STOX2: variants seen among roughly 807,000 people sequenced by gnomAD.
The protein encoded by STOX2 is storkhead box 2.
A neutral mutation model predicts 60.9 loss-of-function variants in STOX2; 28 were observed. The ratio of observed to expected loss-of-function variants is 0.46; its 90% CI spans 0.34 to 0.63. STOX2 has a LOEUF of 0.63. Among genes scored for constraint, STOX2 ranks in the 30% least tolerant of loss-of-function variants. STOX2 has a pLI of 0.01. For synonymous variants in STOX2, 472 were observed against 463.9 expected (o/e 1.02, Z -0.22); for missense variants, 1,024 against 1,187.7 (o/e 0.86, Z 2.03).
intron 1 of STOX2, among the ~76,000 whole-genome samples, chr4:183,934,052 C>G (rs1019469680): frequency 6.6e-6 from 1 of 152,078 alleles, no homozygotes; most frequent in Non-Finnish European, 1.5e-5. Flanking sequence ...GCCTGTGATC[C>G]TAGCACTTTG....
In STOX2 at chr4:184,017,094, G is replaced by A; in HGVS notation, c.2591G>A (p.Arg864Gln). The change falls in exon 4 of 4, where the codon CGG becomes CAG. Residue 864 changes from arginine to glutamine, a missense_variant. Physicochemically the swap from Arg to Gln is conservative, Grantham distance 43. Around this residue, in one of 3 missense-constraint regions of STOX2, gnomAD observed 922 missense variants for 1,058.3 expected, o/e 0.87. Transcript: ENST00000308497. ...AACCCTTTTTGCTCTTTTAGTACTC[G>A]GGAGAGCCTGGCTTCCAACACATCA... is the stretch of plus-strand genomic sequence containing the variant. ...VDSGFNSPRT[R>Q]ESLASNTSSI... The A allele has an allele frequency of 1.2e-6, 2 of 1,607,162 alleles. No individual in the cohort carries two copies. Among genetic ancestry groups the A allele is most frequent in the East Asian group, 2.2e-5 (1 of 44,660 alleles).
intron 1 of STOX2, among the ~76,000 whole-genome samples, chr4:183,810,362 G>C (rs1327893439): frequency 6.6e-6 from 1 of 152,172 alleles, no homozygotes; most frequent in East Asian, 1.9e-4. Flanking sequence ...TGTGAGGAAG[G>C]CTTTATCAGG....
intron 1 of STOX2, among the ~76,000 whole-genome samples, chr4:183,871,094 T>C (rs191197839): frequency 2.6e-5 from 4 of 152,226 alleles, no homozygotes. Context: ...GTGAGTGTTA[T>C]TCTGGTGAGT....
chr4:183,917,319 A>G (rs1741960522), intron 1 of STOX2, among the ~76,000 whole-genome samples: 1 of 152,224 alleles, frequency 6.6e-6, no homozygotes. Context: ...ACTGAAGGAA[A>G]CTGGGGTAGT....
chr4:183,870,456 C>G (rs1740663177), intron 1 of STOX2, among the ~76,000 whole-genome samples: 1 of 152,156 alleles, frequency 6.6e-6, no homozygotes, highest in Non-Finnish European at 1.5e-5. Context: ...GTCATTTCAC[C>G]TACATTAGAG....
intron 1 of STOX2, among the ~76,000 whole-genome samples, chr4:183,843,254 G>C (rs1362176799): frequency 1.3e-5 from 2 of 152,026 alleles, no homozygotes; most frequent in African/African-American, 4.8e-5. Context: ...GACTCTTTTT[G>C]GGAGGAGGGA....
chr4:183,928,338 T>C (rs1579428011), intron 1 of STOX2, among the ~76,000 whole-genome samples: 1 of 152,262 alleles, frequency 6.6e-6, no homozygotes, highest in South Asian at 2.1e-4. Context: ...AATAAACTGT[T>C]GGATTTAAAA....
At chr4:183,877,953 G>A (rs1006479573) in intron 1 of STOX2, among the ~76,000 whole-genome samples, 2 of 152,120 alleles carry the variant, frequency 1.3e-5, no homozygotes, top group Non-Finnish European at 1.5e-5. Flanking sequence ...GCCTCCCAAA[G>A]TGCTGGGATT....
chr4:183,897,359 G>C (rs992849885), intron 1 of STOX2, among the ~76,000 whole-genome samples: 2 of 152,192 alleles, frequency 1.3e-5, no homozygotes, highest in Non-Finnish European at 2.9e-5. Flanking sequence ...CTTTGTAGAT[G>C]ACTGTATTTT....
At chr4:184,016,691 C>T (rs551707042) in intron 3 of STOX2, among the ~76,000 whole-genome samples, 13 of 152,208 alleles carry the variant, frequency 8.5e-5, no homozygotes, top group African/African-American at 2.6e-4. Context: ...TGTTCAGGAG[C>T]GGCTATGCCA....
At chr4:183,937,856 A>T (rs1742631016) in intron 1 of STOX2, among the ~76,000 whole-genome samples, 2 of 152,218 alleles carry the variant, frequency 1.3e-5, no homozygotes, top group South Asian at 2.1e-4. Flanking sequence ...AGTAAAAGTT[A>T]AAAAATCCTG....
intron 1 of STOX2, among the ~76,000 whole-genome samples, chr4:183,814,256 A>G (rs905416951): frequency 2.6e-5 from 4 of 152,316 alleles, no homozygotes; most frequent in Admixed American, 6.5e-5. Context: ...ATGATATATA[A>G]TGTCACTTAG....
intron 2 of STOX2, among the ~76,000 whole-genome samples, chr4:184,007,606 T>C (rs1733929853): frequency 6.6e-6 from 1 of 152,180 alleles, no homozygotes. Flanking sequence ...GCTGTCTTCA[T>C]TTGCTAGGAC....
chr4:183,958,211 G>A (rs140559207), intron 1 of STOX2, among the ~76,000 whole-genome samples: 7 of 152,152 alleles, frequency 4.6e-5, no homozygotes, highest in Non-Finnish European at 8.8e-5. Context: ...ACCCAAGATC[G>A]TGAATGCTAT....
chr4:183,998,853 T>G (rs778823966), intron 1 of STOX2, among the ~76,000 whole-genome samples: 1 of 152,090 alleles, frequency 6.6e-6, no homozygotes, highest in Non-Finnish European at 1.5e-5. Context: ...ACATTAGGTT[T>G]TAGAGTAAGA....
At position 183,821,669 on chromosome 4, in the gene STOX2, G is replaced by A. The variant is rs6827371; in HGVS notation, c.364+23614G>A. ...TGGCAGTGTGTCCTCTTCCGGAACTGCAGGGTGCTGTCCCCACTGTCACAC... is the reference window on the plus strand; with the variant it reads ...TGGCAGTGTGTCCTCTTCCGGAACTACAGGGTGCTGTCCCCACTGTCACAC... On this transcript the variant is annotated intron_variant, in intron 1 of 2. Transcript: ENST00000513034. The surrounding 1 kb of genome is among the most constrained non-coding windows in gnomAD (Gnocchi z 4.2). Among the ~76,000 whole-genome samples, 150,513 of 152,266 alleles carry A rather than the reference G, an allele frequency of 0.99. 74,427 individuals are homozygous for A. The highest frequency in any genetic ancestry group is 1 in the Middle Eastern group (294 of 294).
At chr4:183,819,687 C>A (rs1191068970) in intron 1 of STOX2, among the ~76,000 whole-genome samples, 3 of 152,048 alleles carry the variant, frequency 2.0e-5, no homozygotes, top group Non-Finnish European at 2.9e-5. Flanking sequence ...CTTAATTTTA[C>A]TTCAGGTGAA....
At chr4:183,924,126 C>G (rs1294994391) in intron 1 of STOX2, among the ~76,000 whole-genome samples, 1 of 152,226 alleles carries the variant, frequency 6.6e-6, no homozygotes. Context: ...CTGTCCAGGA[C>G]AGCAGCCTCT....
At chr4:183,833,059 G>C (rs188895141) in intron 1 of STOX2, among the ~76,000 whole-genome samples, 2 of 152,194 alleles carry the variant, frequency 1.3e-5, no homozygotes, top group Admixed American at 1.3e-4. Flanking sequence ...TATCCATGGC[G>C]ATGGTCTACC....
Sources: allele counts gnomAD v4.1 joint callset (sites outside exome capture counted in the v4.1 genomes callset), GRCh38; gene constraint gnomAD v4.1.1; regional missense constraint gnomAD v4.1.1; non-coding constraint Gnocchi (gnomAD v3.1); transcripts MANE v1.5; gene names NCBI Gene and HGNC (gene_info 2026-07-23, HGNC 2026-07-21).